ACACA: variants seen among roughly 807,000 people sequenced by gnomAD.
ACACA encodes the protein acetyl-CoA carboxylase alpha.
ACACA carries 103 observed loss-of-function variants against 296.1 expected under a neutral mutation model. The ratio of observed to expected loss-of-function variants is 0.35; its 90% confidence interval spans 0.30 to 0.41. The LOEUF (loss-of-function observed/expected upper bound fraction) is 0.41. Among genes scored for constraint, ACACA ranks in the 10% least tolerant of loss-of-function variants. The pLI is 1.00. For synonymous variants in ACACA, 953 were observed against 1,038.6 expected (o/e 0.92, Z 1.58); for missense variants, 1,554 against 2,989.7 (o/e 0.52, Z 11.20).
At chr17:37,377,202 G>T (rs1416224374) in intron 1 of ACACA, among the ~76,000 whole-genome samples, 3 of 152,068 alleles carry the variant, frequency 2.0e-5, no homozygotes, top group Non-Finnish European at 4.4e-5. Context: ...GGAGGGAGAA[G>T]AGAAAATAAG....
In ACACA at chr17:37,150,038, G is replaced by A. The variant is rs2075971752; in HGVS notation, c.5569-64C>T. 2.1e-6 allele frequency: 3 copies of A among 1,435,566 alleles called. No homozygotes were observed. The Admixed American group carries it at 5.1e-5, about 24-fold the overall frequency. The allele number at this position is 1,435,566 out of a possible 1,614,324, so 88.9% of individuals were successfully genotyped here. A position where few individuals can be genotyped will look rare whatever the true frequency, so the allele number is the denominator to read the frequency against. ...TCCTCTCTGAAGCTATAAGAACTAA[G>A]GCATAGATAAGTAAAATCCAAATTA... On this transcript the variant is annotated intron_variant, in intron 44 of 55. Coordinates refer to ENST00000616317, the MANE Select transcript of ACACA (RefSeq NM_198834.3).
intron 1 of ACACA, among the ~76,000 whole-genome samples, chr17:37,358,033 T>C (rs2049222584): frequency 1.3e-5 from 2 of 152,178 alleles, no homozygotes; most frequent in South Asian, 4.1e-4. Context: ...AGGAAATTAC[T>C]GAAACATCGC....
At chr17:37,405,189 A>G (rs1205536762) in intron 1 of ACACA, among the ~76,000 whole-genome samples, 1 of 152,142 alleles carries the variant, frequency 6.6e-6, no homozygotes, top group Non-Finnish European at 1.5e-5. Context: ...GGCCTTCCTT[A>G]TCTACCCTAA....
At chr17:37,227,252 T>C (rs964524998) in intron 25 of ACACA, among the ~76,000 whole-genome samples, 3 of 152,178 alleles carry the variant, frequency 2.0e-5, no homozygotes, top group Non-Finnish European at 4.4e-5. Flanking sequence ...CCTAAATTCA[T>C]CCATTATCCA....
chr17:37,364,258 CTG>C, intron 1 of ACACA, among the ~76,000 whole-genome samples: 1 of 152,088 alleles, frequency 6.6e-6, no homozygotes, highest in East Asian at 1.9e-4. Context: ...GATTGCACCA[CTG>C]TACTCCAGCC....
At chr17:37,376,380 T>G (rs922121789) in intron 1 of ACACA, among the ~76,000 whole-genome samples, 9 of 152,366 alleles carry the variant, frequency 5.9e-5, no homozygotes, top group Admixed American at 2.6e-4. Flanking sequence ...TGCATTCTTA[T>G]GTCTTGTTCA....
intron 16 of ACACA, among the ~76,000 whole-genome samples, chr17:37,249,715 T>A (rs939871370): frequency 6.6e-6 from 1 of 152,104 alleles, no homozygotes; most frequent in African/African-American, 2.4e-5. Context: ...GCAAGGTAAA[T>A]AACAGCTTCA....
At chr17:37,257,056 C>T (rs1028038284) in intron 14 of ACACA, among the ~76,000 whole-genome samples, 1 of 152,030 alleles carries the variant, frequency 6.6e-6, no homozygotes, top group Non-Finnish European at 1.5e-5. Flanking sequence ...AGCAAAAGTG[C>T]TGTTAATTTA....
intron 30 of ACACA, 31 bp from the exon 31 acceptor site, chr17:37,207,831 CAAG>C: frequency 1.2e-6 from 2 of 1,611,956 alleles, no homozygotes; most frequent in Non-Finnish European, 1.7e-6. Context: ...GTTCATTAGA[CAAG>C]GAGGGTAGGA....
intron 55 of ACACA, among the ~76,000 whole-genome samples, chr17:37,088,369 G>A (rs1205487991): frequency 6.6e-6 from 1 of 152,128 alleles, no homozygotes; most frequent in African/African-American, 2.4e-5. Context: ...GGGAGGGCAG[G>A]CACACTCATA....
intron 3 of ACACA, among the ~76,000 whole-genome samples, chr17:37,322,964 G>C (rs2047425505): frequency 6.6e-6 from 1 of 152,260 alleles, no homozygotes; most frequent in Admixed American, 6.5e-5. Flanking sequence ...GGTACACTGG[G>C]CAAGAGCTCA....
chr17:37,234,927 T>A (rs115603954), intron 25 of ACACA, 48 bp downstream of exon 25: 4 of 1,610,066 alleles, frequency 2.5e-6, no homozygotes, highest in Admixed American at 1.7e-5. Context: ...AAAAATACTT[T>A]TTGCATATCA....
chr17:37,267,584 AT>A lies in ACACA; in HGVS notation c.1119+3166del, dbSNP rs539558582. Among the ~76,000 whole-genome samples the A allele has an allele frequency of 3.0e-3, 459 of 151,780 alleles. 3 individuals carry two copies. The South Asian group carries it at 0.034, about 11-fold the overall frequency. The stretch of plus-strand genomic sequence containing the variant: ...TCGTTAATTATTTATCTTTTTCTAG[AT>A]TTTTTTGTTTTGTCACCCAGGCTGG... On this transcript the variant is annotated intron_variant, in intron 10 of 55. Coordinates refer to ENST00000616317, the MANE Select transcript of ACACA (RefSeq NM_198834.3).
At chr17:37,128,996 G>C (rs1246570539) in intron 47 of ACACA, among the ~76,000 whole-genome samples, 15 of 152,126 alleles carry the variant, frequency 9.9e-5, no homozygotes, top group African/African-American at 3.4e-4. Flanking sequence ...TGGTTGTAGG[G>C]ATTAGATGAC....
At chr17:37,135,793 A>C (rs1330047826) in intron 45 of ACACA, among the ~76,000 whole-genome samples, 4 of 152,314 alleles carry the variant, frequency 2.6e-5, no homozygotes, top group Non-Finnish European at 4.4e-5. Flanking sequence ...GTATGAGAAG[A>C]AGCACAGGCT....
At chr17:37,392,999 G>A (rs944580505) in intron 1 of ACACA, among the ~76,000 whole-genome samples, 4 of 151,564 alleles carry the variant, frequency 2.6e-5, no homozygotes, top group East Asian at 1.9e-4. Context: ...AAAATTAGCC[G>A]GGCATGGTGG....
At chr17:37,204,189 A>G (rs569535799) in intron 33 of ACACA, among the ~76,000 whole-genome samples, 2 of 152,246 alleles carry the variant, frequency 1.3e-5, no homozygotes, top group Non-Finnish European at 2.9e-5. Context: ...CTTGCCATCA[A>G]GGGCAGTTTA....
intron 1 of ACACA, chr17:37,377,917 G>C: frequency 6.2e-7 from 1 of 1,613,532 alleles, no homozygotes; most frequent in Non-Finnish European, 8.5e-7. Flanking sequence ...ACAGCTGCCT[G>C]GGATCTTCCC....
At chr17:37,202,192 A>T (rs2078279164) in intron 33 of ACACA, among the ~76,000 whole-genome samples, 1 of 152,220 alleles carries the variant, frequency 6.6e-6, no homozygotes, top group African/African-American at 2.4e-5. Flanking sequence ...CAAGTCCTTC[A>T]AAGACAAGCA....
Sources: allele counts gnomAD v4.1 joint callset (sites outside exome capture counted in the v4.1 genomes callset), GRCh38; gene constraint gnomAD v4.1.1; transcripts MANE v1.5; gene names NCBI Gene and HGNC (gene_info 2026-07-23, HGNC 2026-07-21).